The following VPS35L variants were observed in gnomAD, a reference collection of about 807,000 sequenced individuals.
The protein encoded by VPS35L is VPS35 endosomal protein sorting factor like.
A neutral mutation model predicts 133.0 loss-of-function variants in VPS35L; 83 were observed. The observed-to-expected ratio is 0.62, with a 90% CI of 0.52 to 0.75. The LOEUF (loss-of-function observed/expected upper bound fraction) is 0.75. Among genes scored for constraint, VPS35L ranks in the 30% least tolerant of loss-of-function variants. The probability of loss-of-function intolerance (pLI) is 0.00; values close to 1 mark genes in which losing one functional copy is unlikely to be tolerated. For missense variants in VPS35L, 1,083 were observed against 1,206.8 expected (o/e 0.90, Z 1.52); for synonymous variants, 423 against 449.9 (o/e 0.94, Z 0.76).
At chr16:19,682,964 C>T (rs1425981528) in intron 28 of VPS35L, among the ~76,000 whole-genome samples, 1 of 152,100 alleles carries the variant, frequency 6.6e-6, no homozygotes, top group Non-Finnish European at 1.5e-5. Context: ...TCACTCTGTC[C>T]CCCAGGCTGG....
At chr16:19,561,266 G>A (rs1239795211) in intron 1 of VPS35L, among the ~76,000 whole-genome samples, 6 of 152,150 alleles carry the variant, frequency 3.9e-5, no homozygotes, top group Non-Finnish European at 2.9e-5. Context: ...AGCTACTAGG[G>A]AGGCTGAGGC....
chr16:19,557,227 G>GT (rs1970888599), intron 1 of VPS35L, among the ~76,000 whole-genome samples: 2 of 152,214 alleles, frequency 1.3e-5, no homozygotes, highest in Admixed American at 6.5e-5. Flanking sequence ...TTTATCTGAA[G>GT]TTTGCAATCA....
At chr16:19,569,623 G>C (rs1971299756) in intron 3 of VPS35L, 32 bp downstream of exon 3, 1 of 1,505,584 alleles carries the variant, frequency 6.6e-7, no homozygotes, top group African/African-American at 1.4e-5. Flanking sequence ...CGTCCAGTGG[G>C]GGTTGGTTTT....
chr16:19,680,173 A>G (rs886857763), intron 27 of VPS35L, among the ~76,000 whole-genome samples: 3 of 152,182 alleles, frequency 2.0e-5, no homozygotes, highest in Admixed American at 1.3e-4. Flanking sequence ...CTCATTTCCC[A>G]TCTGCGAAAT....
intron 6 of VPS35L, 115 bp downstream of exon 6, chr16:19,579,243 T>C (rs1214477807): frequency 1.2e-5 from 12 of 969,286 alleles, no homozygotes; most frequent in Non-Finnish European, 1.9e-5. Flanking sequence ...GCATTGTGCT[T>C]GGTCCTCTCG....
intron 26 of VPS35L, among the ~76,000 whole-genome samples, chr16:19,664,895 A>T (rs11863082): frequency 6.7e-6 from 1 of 149,584 alleles, no homozygotes. Context: ...GCAAGAGTTC[A>T]TCTAAAAAAA....
intron 28 of VPS35L, among the ~76,000 whole-genome samples, chr16:19,683,762 A>G (rs147034275): frequency 3.2e-4 from 48 of 152,328 alleles, no homozygotes; most frequent in Admixed American, 1.4e-3. Flanking sequence ...CAGTGAACAT[A>G]CGTGTGCATG....
At chr16:19,636,984 C>T (rs946826958) in intron 19 of VPS35L, among the ~76,000 whole-genome samples, 1 of 152,216 alleles carries the variant, frequency 6.6e-6, no homozygotes, top group African/African-American at 2.4e-5. Flanking sequence ...TCAAGAAACA[C>T]AGGGCCACAC....
chr16:19,634,278 A>T (rs1250312392), intron 19 of VPS35L, among the ~76,000 whole-genome samples: 1 of 152,052 alleles, frequency 6.6e-6, no homozygotes, highest in Non-Finnish European at 1.5e-5. Flanking sequence ...CTCTACAAAA[A>T]ATATAAAAAT....
At chr16:19,566,342 A>G (rs1398916718) in intron 2 of VPS35L, among the ~76,000 whole-genome samples, 1 of 152,188 alleles carries the variant, frequency 6.6e-6, no homozygotes, top group Non-Finnish European at 1.5e-5. Context: ...CTAAAAATAT[A>G]AAAATTAGCT....
chr16:19,679,510 TATTTA>T (rs1975190384), intron 27 of VPS35L, among the ~76,000 whole-genome samples: 2 of 123,320 alleles, frequency 1.6e-5, no homozygotes, highest in African/African-American at 3.9e-5. Flanking sequence ...TTTATTTATT[TATTTA>T]TTTTTTTGGA....
intron 29 of VPS35L, chr16:19,694,039 A>G (rs1055930712): frequency 6.6e-6 from 1 of 152,176 alleles, no homozygotes; most frequent in Non-Finnish European, 1.5e-5. Flanking sequence ...AGTAACTACA[A>G]TTAACAACAG....
chr16:19,613,469 C>G (rs1972790897), intron 12 of VPS35L, among the ~76,000 whole-genome samples: 1 of 152,310 alleles, frequency 6.6e-6, no homozygotes, highest in African/African-American at 2.4e-5. Flanking sequence ...TCAAAGGGTG[C>G]TGTCAAGAAT....
intron 14 of VPS35L, among the ~76,000 whole-genome samples, chr16:19,624,211 G>A (rs1408669509): frequency 1.0e-4 from 15 of 149,528 alleles, no homozygotes; most frequent in African/African-American, 3.7e-4. Context: ...CACCTCCTGG[G>A]CTCAAGTGAT....
At chr16:19,647,602 A>G (rs1285226187) in intron 23 of VPS35L, among the ~76,000 whole-genome samples, 182 bp from the exon 24 acceptor site, 1 of 152,136 alleles carries the variant, frequency 6.6e-6, no homozygotes, top group Non-Finnish European at 1.5e-5. Context: ...TTTCCTTCAG[A>G]GTCTGGAAAA....
chr16:19,589,193 T>C (rs142419020), intron 7 of VPS35L, among the ~76,000 whole-genome samples: 19 of 152,356 alleles, frequency 1.2e-4, no homozygotes, highest in African/African-American at 4.6e-4. Context: ...ACTTCTTTCC[T>C]TCCTACTCAG....
chr16:19,652,864 G>GTCT (rs1282654954), intron 26 of VPS35L, among the ~76,000 whole-genome samples: 1 of 152,184 alleles, frequency 6.6e-6, no homozygotes, highest in Non-Finnish European at 1.5e-5. Flanking sequence ...CCCAAGACTG[G>GTCT]TCTTTCCGTA....
intron 28 of VPS35L, among the ~76,000 whole-genome samples, chr16:19,684,703 G>A (rs1462054904): frequency 4.6e-5 from 7 of 152,190 alleles, no homozygotes; most frequent in Non-Finnish European, 1.0e-4. Context: ...AGTTAGTGAT[G>A]GAAGTGAAAC....
chr16:19,663,669 C>CTT lies in VPS35L; in HGVS notation c.2222-5464_2222-5463dup, dbSNP rs59826351. Among the ~76,000 whole-genome samples, 438 of 63,898 alleles carry CTT rather than the reference C, an allele frequency of 6.9e-3. 30 individuals are homozygous for CTT. Among genetic ancestry groups the CTT allele is most frequent in the African/African-American group, 0.025 (349 of 13,966 alleles). 41.9% of individuals were successfully genotyped at this position (63,898 alleles called of 152,430 possible). On this transcript the variant is annotated intron_variant, in intron 26 of 30. Coordinates refer to ENST00000417362, the MANE Select transcript of VPS35L (RefSeq NM_020314.7). ...GCTTGGTGCAACAGTGCAGTAATTT[C>CTT]TTTTTTTTTTTTTTTTTTTTTTTTT... is the stretch of plus-strand genomic sequence containing the variant.
Sources: gnomAD v4.1 joint callset for allele counts (sites outside exome capture counted in the v4.1 genomes callset) on GRCh38, gnomAD v4.1.1 for gene constraint, MANE v1.5 for transcripts, NCBI Gene and HGNC (gene_info 2026-07-23, HGNC 2026-07-21) for gene names.